Variants in BNC2 observed in about 807,000 individuals in gnomAD.
BNC2 encodes the protein basonuclin zinc finger protein 2, also known as zinc finger protein basonuclin-2.
In BNC2, 20 loss-of-function variants were observed where a neutral mutation model predicts 76.3. That is an observed-to-expected ratio of 0.26 (90% CI 0.18 to 0.38). BNC2 has a LOEUF of 0.38. Ranked by LOEUF, BNC2 falls within the 10% of genes least tolerant of loss-of-function variation. BNC2 has a pLI of 1.00. For synonymous variants in BNC2, 582 were observed against 514.8 expected (o/e 1.13, Z -1.77); for missense variants, 1,382 against 1,399.8 (o/e 0.99, Z 0.20).
At chr9:16,419,861 C>T (rs548422159) in intron 6 of BNC2, among the ~76,000 whole-genome samples, 148 of 152,236 alleles carry the variant, frequency 9.7e-4, no homozygotes, top group African/African-American at 3.5e-3. Flanking sequence ...GGGAACTTTC[C>T]ATTAACATTA....
chr9:16,622,119 G>A (rs1165629120), intron 3 of BNC2, among the ~76,000 whole-genome samples: 1 of 152,078 alleles, frequency 6.6e-6, no homozygotes, highest in Non-Finnish European at 1.5e-5. Context: ...AAATGAGAGG[G>A]ATGAAAATCA....
intron 2 of BNC2, among the ~76,000 whole-genome samples, chr9:16,734,761 G>A (rs1824615818): frequency 1.3e-5 from 2 of 152,318 alleles, no homozygotes; most frequent in African/African-American, 4.8e-5. Context: ...CCTACAGGGA[G>A]GGAGAAAGCT....
Position 16,864,732 on chromosome 9 carries a change from G to A in BNC2, c.3+5914C>T, listed in dbSNP as rs113371256. Among the ~76,000 whole-genome samples the A allele has an allele frequency of 5.5e-3, 839 of 152,244 alleles. 10 individuals are homozygous for A. The highest frequency in any genetic ancestry group is 0.019 in the African/African-American group (787 of 41,544). On this transcript the variant is annotated intron_variant, in intron 1 of 6. Transcript: ENST00000380672. ...CAGCAGCATGCACGACAATAGTCTC[G>A]ACGCTTACTTCTTTACGGTTGCTGG...
intron 3 of BNC2, among the ~76,000 whole-genome samples, chr9:16,687,597 T>TC (rs1422809236): frequency 6.6e-6 from 1 of 150,516 alleles, no homozygotes; most frequent in Non-Finnish European, 1.5e-5. Context: ...TCAAAATGAA[T>TC]CCCCCCAAAA....
intron 6 of BNC2, chr9:16,421,258 T>C: frequency 1.5e-6 from 2 of 1,300,016 alleles, no homozygotes; most frequent in Middle Eastern, 4.5e-4. Context: ...AAGGCTGAGC[T>C]TACCTTGTGA....
At chr9:16,552,871 T>C in intron 4 of BNC2, 106 bp from the exon 5 acceptor site, 2 of 877,178 alleles carry the variant, frequency 2.3e-6, no homozygotes, top group Non-Finnish European at 3.7e-6. Flanking sequence ...GCTCCATTTC[T>C]ACACATGAAT....
At chr9:16,833,402 A>G (rs550884020) in intron 1 of BNC2, among the ~76,000 whole-genome samples, 1 of 152,296 alleles carries the variant, frequency 6.6e-6, no homozygotes, top group Non-Finnish European at 1.5e-5. Flanking sequence ...TTCCTGGAAC[A>G]GTTTTCTCAA....
intron 5 of BNC2, among the ~76,000 whole-genome samples, chr9:16,501,501 T>A (rs1478243020): frequency 6.6e-6 from 1 of 152,122 alleles, no homozygotes; most frequent in Non-Finnish European, 1.5e-5. Context: ...GGTGTCCAAA[T>A]GGAAGATGAA....
chr9:16,605,866 G>A (rs944075110), intron 3 of BNC2, among the ~76,000 whole-genome samples: 8 of 136,646 alleles, frequency 5.9e-5, no homozygotes, highest in Non-Finnish European at 1.2e-4. Flanking sequence ...ACGGTTCACT[G>A]TAACCTTAAC....
chr9:16,797,544 T>C (rs1431987388), intron 1 of BNC2, among the ~76,000 whole-genome samples: 1 of 152,098 alleles, frequency 6.6e-6, no homozygotes, highest in African/African-American at 2.4e-5. Context: ...TGAAACCTCG[T>C]TGGCCTCTTA....
chr9:16,592,130 A>C (rs972870521), intron 3 of BNC2, among the ~76,000 whole-genome samples: 1 of 152,112 alleles, frequency 6.6e-6, no homozygotes, highest in Non-Finnish European at 1.5e-5. Context: ...CCCCAAAAAA[A>C]ACCTTGAGAA....
chr9:16,708,768 C>T (rs577798913), intron 3 of BNC2, among the ~76,000 whole-genome samples: 2 of 151,778 alleles, frequency 1.3e-5, no homozygotes, highest in South Asian at 4.2e-4. Flanking sequence ...AAAGGGATTG[C>T]TGGCAGAGAG....
chr9:16,724,050 CCTAA>C (rs972409607), intron 3 of BNC2, among the ~76,000 whole-genome samples: 2 of 151,932 alleles, frequency 1.3e-5, no homozygotes, highest in Non-Finnish European at 2.9e-5. Flanking sequence ...CATTTATAAT[CCTAA>C]CTTAGTATTT....
rs55852227 is a variant in BNC2 at position 16,665,386 on chromosome 9, A to AAGAGAGAGAG, written c.330+62401_330+62410dup. Among the ~76,000 whole-genome samples, 280 of 84,234 alleles carry AAGAGAGAGAG rather than the reference A, an allele frequency of 3.3e-3. 26 individuals are homozygous for AAGAGAGAGAG. The highest frequency in any genetic ancestry group is 0.012 in the African/African-American group (244 of 20,468). The allele number at this position is 84,234 out of a possible 152,430, so 55.3% of individuals were successfully genotyped here. On this transcript the variant is annotated intron_variant, in intron 3 of 6. Coordinates refer to ENST00000380672, the MANE Select transcript of BNC2 (RefSeq NM_017637.6). Reference sequence around the variant, plus strand: ...CCTCTGTCTCAAAAAAAAAAAAAAAAAGAGAGAGAGAGAGAGAAAGAGAGA... The same window carrying AAGAGAGAGAG: ...CCTCTGTCTCAAAAAAAAAAAAAAAAAGAGAGAGAGAGAGAGAGAGAGAGAGAAAGAGAGA...
At chr9:16,609,436 G>A (rs943510111) in intron 3 of BNC2, among the ~76,000 whole-genome samples, 15 of 152,170 alleles carry the variant, frequency 9.9e-5, no homozygotes, top group African/African-American at 3.4e-4. Flanking sequence ...GCCCAAAGGT[G>A]AAAGCTTGAG....
rs3223265 is a variant in BNC2, at chr9:16,418,873, GCACA to G, written c.*112_*115del. 1,256 of 876,816 alleles carry G rather than the reference GCACA, an allele frequency of 1.4e-3. 2 individuals carry two copies. The highest frequency in any genetic ancestry group is 2.8e-3 in the Middle Eastern group (10 of 3,574). The allele number at this position is 876,816 out of a possible 1,614,324, so 54.3% of individuals were successfully genotyped here. A position where few individuals can be genotyped will look rare whatever the true frequency, so the allele number is the denominator to read the frequency against. On this transcript the variant is annotated 3_prime_UTR_variant, in exon 7 of 7. Transcript: ENST00000380672. Reference sequence around the variant, plus strand: ...ATGTAGCCACAGAGCATACATAAATGCACACACACACACACACACACACACACCC... The same window carrying G: ...ATGTAGCCACAGAGCATACATAAATGCACACACACACACACACACACACCC...
intron 1 of BNC2, among the ~76,000 whole-genome samples, chr9:16,763,395 C>T (rs781498118): frequency 2.6e-4 from 39 of 149,880 alleles, no homozygotes; most frequent in Non-Finnish European, 4.9e-4. Flanking sequence ...CATGACAAAA[C>T]CCCATCTCTA....
At chr9:16,830,314 T>C (rs182063792) in intron 1 of BNC2, among the ~76,000 whole-genome samples, 20 of 152,328 alleles carry the variant, frequency 1.3e-4, no homozygotes, top group Admixed American at 1.2e-3. Context: ...TGGTACGGAA[T>C]GGTTGCAGGT....
intron 2 of BNC2, among the ~76,000 whole-genome samples, chr9:16,730,594 A>G (rs1201671394): frequency 6.6e-6 from 1 of 152,148 alleles, no homozygotes; most frequent in Non-Finnish European, 1.5e-5. Context: ...TAGGCTGACT[A>G]GCTAATACAT....
Sources: gnomAD v4.1 joint callset for allele counts (sites outside exome capture counted in the v4.1 genomes callset) on GRCh38, gnomAD v4.1.1 for gene constraint, MANE v1.5 for transcripts, NCBI Gene and HGNC (gene_info 2026-07-23, HGNC 2026-07-21) for gene names.